Variants in EPB41L2 observed in about 807,000 individuals in gnomAD.
EPB41L2 encodes the protein erythrocyte membrane protein band 4.1 like 2.
In EPB41L2, 43 loss-of-function variants were observed where a neutral mutation model predicts 113.0. The observed-to-expected ratio is 0.38, with a 90% CI of 0.30 to 0.49. EPB41L2 has a LOEUF of 0.49. EPB41L2 is among the 20% of genes least tolerant of loss of function. The probability of loss-of-function intolerance (pLI) is 0.95; values close to 1 mark genes in which losing one functional copy is unlikely to be tolerated. For missense variants in EPB41L2, 1,147 were observed against 1,223.4 expected (o/e 0.94, Z 0.93); for synonymous variants, 442 against 436.7 (o/e 1.01, Z -0.15).
At chr6:130,841,221 C>CAAAAAAAAAAAAAAAAAAAAA (rs113100092) in intron 19 of EPB41L2, among the ~76,000 whole-genome samples, 1 of 139,024 alleles carries the variant, frequency 7.2e-6, no homozygotes, top group Admixed American at 7.1e-5. Context: ...TCTAATTGAC[C>CAAAAAAAAAAAAAAAAAAAAA]AAAAAAAAAA....
rs149108492 is a variant in EPB41L2 at position 130,839,729 on chromosome 6, T to C, written c.*875A>G. 1.6e-4 allele frequency: 24 copies of C among 152,326 alleles called. No individual in the cohort carries two copies. Among genetic ancestry groups the C allele is most frequent in the Middle Eastern group, 3.4e-3 (1 of 294 alleles). 9.4% of individuals were successfully genotyped at this position (152,326 alleles called of 1,614,324 possible). A position where few individuals can be genotyped will look rare whatever the true frequency, so the allele number is the denominator to read the frequency against. ...CCAAGTGTTCAAATAATGGAAAGAA[T>C]TGAAATGTGGGTATGTTAAGAAAGA... is the stretch of plus-strand genomic sequence containing the variant. On this transcript the variant is annotated 3_prime_UTR_variant, in exon 20 of 20. Coordinates refer to ENST00000337057, the MANE Select transcript of EPB41L2 (RefSeq NM_001431.4).
At chr6:131,052,839 G>A (rs896234194) in intron 1 of EPB41L2, among the ~76,000 whole-genome samples, 33 of 152,024 alleles carry the variant, frequency 2.2e-4, no homozygotes, top group African/African-American at 7.0e-4. Flanking sequence ...TGCCCCACTC[G>A]CCCTGCTAAC....
chr6:130,856,567 G>C (rs73631102), intron 19 of EPB41L2, among the ~76,000 whole-genome samples: 1 of 152,226 alleles, frequency 6.6e-6, no homozygotes. Flanking sequence ...AAGTCAGAGA[G>C]GCAGCTGTAA....
chr6:130,954,322 G>C (rs1280509216), intron 3 of EPB41L2, among the ~76,000 whole-genome samples: 3 of 151,918 alleles, frequency 2.0e-5, no homozygotes, highest in Non-Finnish European at 4.4e-5. Context: ...CAAAGTGCTG[G>C]GATTACAGGC....
intron 1 of EPB41L2, among the ~76,000 whole-genome samples, chr6:131,049,074 C>T (rs116041536): frequency 6.6e-6 from 1 of 152,216 alleles, no homozygotes; most frequent in African/African-American, 2.4e-5. Context: ...TTGGTAGGAG[C>T]CACATCTGCA....
chr6:130,845,436 G>A (rs1227040814), intron 19 of EPB41L2, among the ~76,000 whole-genome samples: 2 of 152,052 alleles, frequency 1.3e-5, no homozygotes, highest in African/African-American at 4.8e-5. Flanking sequence ...GGGGTGCAGT[G>A]GTGCAATCAT....
intron 4 of EPB41L2, among the ~76,000 whole-genome samples, chr6:130,917,805 TTTAA>T (rs1287852086): frequency 6.6e-6 from 1 of 152,192 alleles, no homozygotes; most frequent in African/African-American, 2.4e-5. Context: ...TTAATTCTCC[TTTAA>T]GTTAGACCCT....
At chr6:130,883,630 G>C (rs1789996327) in intron 12 of EPB41L2, among the ~76,000 whole-genome samples, 1 of 152,188 alleles carries the variant, frequency 6.6e-6, no homozygotes, top group Non-Finnish European at 1.5e-5. Flanking sequence ...ATGGAACAGA[G>C]ATATTCTGAA....
In EPB41L2 at chr6:130,899,628, T is replaced by G. The variant is rs777820328; in HGVS notation, c.1149-50A>C. ...ATCTTATTAATGGATGCAGAGCAAATGTAGTCAGAATGGGAGGAGTGTCTG... is the reference window on the plus strand; with the variant it reads ...ATCTTATTAATGGATGCAGAGCAAAGGTAGTCAGAATGGGAGGAGTGTCTG... On this transcript the variant is annotated intron_variant, in intron 7 of 19. Transcript: ENST00000337057. 3 of 1,535,832 alleles carry G rather than the reference T, an allele frequency of 2.0e-6. No homozygotes were observed. The South Asian group carries it at 3.4e-5, about 17-fold the overall frequency.
At chr6:131,009,883 G>T (rs954255552) in intron 1 of EPB41L2, among the ~76,000 whole-genome samples, 1 of 152,056 alleles carries the variant, frequency 6.6e-6, no homozygotes, top group Non-Finnish European at 1.5e-5. Flanking sequence ...TTCTGCCACC[G>T]TAATCACTGA....
chr6:130,902,118 C>T (rs1183025849), intron 6 of EPB41L2, among the ~76,000 whole-genome samples: 1 of 152,210 alleles, frequency 6.6e-6, no homozygotes, highest in African/African-American at 2.4e-5. Context: ...GCTATGGTCA[C>T]CATGGATCCT....
intron 15 of EPB41L2, 154 bp from the exon 16 acceptor site, chr6:130,867,735 G>T (rs1562337086): frequency 2.1e-6 from 2 of 959,348 alleles, no homozygotes; most frequent in South Asian, 1.6e-5. Context: ...ACAAACAAAA[G>T]AAATAAAAGA....
chr6:130,916,699 C>T (rs1801214514), intron 4 of EPB41L2, among the ~76,000 whole-genome samples: 1 of 152,184 alleles, frequency 6.6e-6, no homozygotes, highest in Non-Finnish European at 1.5e-5. Context: ...TACATCAATG[C>T]TTCTCAAACT....
chr6:130,986,148 A>T (rs761906332), intron 1 of EPB41L2, among the ~76,000 whole-genome samples: 8 of 152,228 alleles, frequency 5.3e-5, no homozygotes, highest in Non-Finnish European at 1.0e-4. Flanking sequence ...CCAGAAATAC[A>T]AGAGTAGTGT....
chr6:130,909,562 AG>A (rs1421185709), intron 4 of EPB41L2, among the ~76,000 whole-genome samples: 1 of 152,260 alleles, frequency 6.6e-6, no homozygotes, highest in Non-Finnish European at 1.5e-5. Context: ...AAACAAATAA[AG>A]GGTATTCAAA....
At chr6:130,998,263 T>A (rs575674579) in intron 1 of EPB41L2, among the ~76,000 whole-genome samples, 2 of 152,214 alleles carry the variant, frequency 1.3e-5, no homozygotes, top group African/African-American at 2.4e-5. Context: ...TCCAAGACTA[T>A]GAAAATCAAA....
chr6:131,001,156 CAA>C (rs996398853), intron 1 of EPB41L2, among the ~76,000 whole-genome samples: 21 of 151,848 alleles, frequency 1.4e-4, no homozygotes, highest in African/African-American at 3.6e-4. Context: ...TGCTATCACT[CAA>C]GTGTGCTTAG....
At chr6:131,052,904 A>AT (rs905783311) in intron 1 of EPB41L2, among the ~76,000 whole-genome samples, 39 of 149,434 alleles carry the variant, frequency 2.6e-4, no homozygotes, top group East Asian at 9.8e-4. Context: ...AAAAATATAA[A>AT]TTTTTTTTTT....
chr6:130,957,868 C>G (rs973375885), intron 1 of EPB41L2, among the ~76,000 whole-genome samples: 6 of 152,240 alleles, frequency 3.9e-5, no homozygotes, highest in Non-Finnish European at 8.8e-5. Context: ...AGTAGTCACT[C>G]TGCATTCCCC....
Sources: allele counts gnomAD v4.1 joint callset (sites outside exome capture counted in the v4.1 genomes callset), GRCh38; gene constraint gnomAD v4.1.1; transcripts MANE v1.5; gene names NCBI Gene and HGNC (gene_info 2026-07-23, HGNC 2026-07-21).